Variants in PCNX1 observed in about 807,000 individuals in gnomAD.
PCNX1 encodes the protein pecanex 1.
In PCNX1, 78 loss-of-function variants were observed where a neutral mutation model predicts 242.2. The ratio of observed to expected loss-of-function variants is 0.32; its 90% confidence interval spans 0.27 to 0.39. The LOEUF is 0.39. Among genes scored for constraint, PCNX1 ranks in the 10% least tolerant of loss-of-function variants. The pLI is 1.00. For missense variants in PCNX1, 2,581 were observed against 2,856.5 expected (o/e 0.90, Z 2.20); for synonymous variants, 1,024 against 1,032.9 (o/e 0.99, Z 0.17).
intron 19 of PCNX1, among the ~76,000 whole-genome samples, chr14:71,044,221 G>C (rs554746128): frequency 5.6e-4 from 85 of 152,242 alleles, no homozygotes; most frequent in Admixed American, 1.8e-3. Context: ...TGGCTGCAGT[G>C]GGTTGGGTGT....
chr14:71,051,422 T>G (rs2061032895), intron 23 of PCNX1, among the ~76,000 whole-genome samples: 1 of 152,114 alleles, frequency 6.6e-6, no homozygotes, highest in Admixed American at 6.5e-5. Context: ...TACAAAACAT[T>G]TTTTCATAAT....
chr14:71,083,367 T>C lies in PCNX1; in HGVS notation c.5338-4963T>C, dbSNP rs142041477. 8.0e-3 allele frequency among the ~76,000 whole-genome samples: 1,213 copies of C among 152,028 alleles called. 10 individuals carry two copies. The highest frequency in any genetic ancestry group is 0.024 in the Middle Eastern group (7 of 292). The stretch of plus-strand genomic sequence containing the variant: ...TTCTTAAGGAGTACCTTTGTGGTGT[T>C]CTCTGTATTTCCTGAATCTGAATGT... On this transcript the variant is annotated intron_variant, in intron 28 of 35. Coordinates refer to ENST00000304743, the MANE Select transcript of PCNX1 (RefSeq NM_014982.3).
chr14:71,069,271 G>A (rs1477400769), intron 26 of PCNX1, among the ~76,000 whole-genome samples: 1 of 151,990 alleles, frequency 6.6e-6, no homozygotes, highest in Non-Finnish European at 1.5e-5. Context: ...GATTTGGGTG[G>A]GGACACAGCC....
intron 8 of PCNX1, among the ~76,000 whole-genome samples, chr14:71,001,591 T>C (rs1390177666): frequency 1.3e-5 from 2 of 152,364 alleles, no homozygotes; most frequent in East Asian, 3.9e-4. Flanking sequence ...GGTTGAGATA[T>C]TTAATTTGTC....
intron 2 of PCNX1, among the ~76,000 whole-genome samples, chr14:70,948,387 A>G (rs1321592198): frequency 1.3e-5 from 2 of 152,094 alleles, no homozygotes; most frequent in Non-Finnish European, 2.9e-5. Context: ...GCCAACACTT[A>G]GGGAAAATAG....
chr14:70,979,738 A>T (rs1311458946), intron 6 of PCNX1, among the ~76,000 whole-genome samples: 25 of 152,276 alleles, frequency 1.6e-4, no homozygotes. Flanking sequence ...AAGTATTTTA[A>T]AAGTCCATAT....
intron 7 of PCNX1, among the ~76,000 whole-genome samples, chr14:70,994,396 G>GATATATGTGTATAT (rs1371763584): frequency 1.9e-4 from 18 of 96,958 alleles, no homozygotes; most frequent in African/African-American, 6.9e-4. Flanking sequence ...ACAGGCTTAA[G>GATATATGTGTATAT]ATATATATAT....
intron 1 of PCNX1, among the ~76,000 whole-genome samples, chr14:70,946,020 G>C (rs2057443050): frequency 6.6e-6 from 1 of 152,168 alleles, no homozygotes; most frequent in South Asian, 2.1e-4. Flanking sequence ...CCAGTGAGCT[G>C]TTCTCCAAGC....
intron 15 of PCNX1, 60 bp from the exon 16 acceptor site, chr14:71,028,639 CT>C: frequency 2.1e-6 from 2 of 959,660 alleles, no homozygotes; most frequent in Admixed American, 4.4e-5. Flanking sequence ...TTTCAGTGAC[CT>C]TTTAATTATT....
chr14:70,939,713 T>C (rs1300052494), intron 1 of PCNX1, among the ~76,000 whole-genome samples: 1 of 152,220 alleles, frequency 6.6e-6, no homozygotes, highest in Non-Finnish European at 1.5e-5. Flanking sequence ...CGTTGATCTG[T>C]CTAATGTTGA....
chr14:70,986,019 G>A (rs2058992472), intron 6 of PCNX1, among the ~76,000 whole-genome samples: 1 of 152,072 alleles, frequency 6.6e-6, no homozygotes, highest in Non-Finnish European at 1.5e-5. Flanking sequence ...TAACATATGT[G>A]ACTGTATGTG....
intron 1 of PCNX1, among the ~76,000 whole-genome samples, chr14:70,916,921 C>G (rs1479707921): frequency 6.6e-6 from 1 of 152,222 alleles, no homozygotes; most frequent in East Asian, 1.9e-4. Context: ...CCTGTTACTG[C>G]TTTGTCAGCT....
rs985507215 is a variant in PCNX1, at chr14:70,974,199, G to A, written c.605-2743G>A. Among the ~76,000 whole-genome samples, 6 of 146,884 alleles carry A rather than the reference G, an allele frequency of 4.1e-5. No individual in the cohort carries two copies. The South Asian group carries it at 1.3e-3, about 32-fold the overall frequency. On this transcript the variant is annotated intron_variant, in intron 5 of 35. Coordinates refer to ENST00000304743, the MANE Select transcript of PCNX1 (RefSeq NM_014982.3). ...AAAAATATACGCCCATATACCATTA[G>A]CATTCATTTAAACTTACAGAACTGG...
intron 2 of PCNX1, among the ~76,000 whole-genome samples, chr14:70,949,399 G>GTT (rs147134357): frequency 6.7e-6 from 1 of 149,654 alleles, no homozygotes; most frequent in Non-Finnish European, 1.5e-5. Context: ...ATATGTGTGT[G>GTT]TGTGTACATA....
intron 1 of PCNX1, among the ~76,000 whole-genome samples, chr14:70,916,565 G>A (rs773545117): frequency 2.0e-5 from 3 of 152,194 alleles, no homozygotes; most frequent in Admixed American, 6.5e-5. Flanking sequence ...ACATTATGCT[G>A]TAGTCTGTTA....
intron 1 of PCNX1, among the ~76,000 whole-genome samples, chr14:70,919,798 C>G (rs530252699): frequency 1.3e-4 from 18 of 134,768 alleles, no homozygotes; most frequent in African/African-American, 5.0e-4. Flanking sequence ...ATCCCTGGAA[C>G]CTGAGCAGTT....
intron 3 of PCNX1, among the ~76,000 whole-genome samples, chr14:70,964,018 T>C (rs1330492821): frequency 1.3e-5 from 2 of 152,166 alleles, no homozygotes; most frequent in African/African-American, 4.8e-5. Flanking sequence ...TTGTTGTTGT[T>C]GTTTGTTTGT....
chr14:70,948,557 A>G (rs1411975084), intron 2 of PCNX1, among the ~76,000 whole-genome samples: 2 of 151,996 alleles, frequency 1.3e-5, no homozygotes, highest in East Asian at 3.9e-4. Context: ...TATAAATAAA[A>G]TGTATGTGTG....
intron 7 of PCNX1, among the ~76,000 whole-genome samples, chr14:70,994,398 T>TATATATAG (rs2059270183): frequency 3.8e-5 from 1 of 26,022 alleles, no homozygotes; most frequent in Non-Finnish European, 7.6e-5. Flanking sequence ...AGGCTTAAGA[T>TATATATAG]ATATATATAT....
Sources: gnomAD v4.1 joint callset for allele counts (sites outside exome capture counted in the v4.1 genomes callset) on GRCh38, gnomAD v4.1.1 for gene constraint, MANE v1.5 for transcripts, NCBI Gene and HGNC (gene_info 2026-07-23, HGNC 2026-07-21) for gene names.